ADGRB3: variants seen among roughly 807,000 people sequenced by gnomAD.
ADGRB3 encodes the protein adhesion G protein-coupled receptor B3.
A neutral mutation model predicts 193.4 loss-of-function variants in ADGRB3; 37 were observed. That is an observed-to-expected ratio of 0.19 (90% CI 0.15 to 0.25). ADGRB3 has a LOEUF of 0.25. Among genes scored for constraint, ADGRB3 ranks in the 10% least tolerant of loss-of-function variants. The pLI is 1.00. For synonymous variants in ADGRB3, 690 were observed against 644.2 expected (o/e 1.07, Z -1.08); for missense variants, 1,637 against 1,852.9 (o/e 0.88, Z 2.14).
chr6:68,882,416 C>G (rs979847473), intron 3 of ADGRB3, among the ~76,000 whole-genome samples: 1 of 152,176 alleles, frequency 6.6e-6, no homozygotes. Context: ...GAATATAGGA[C>G]TGTTCCTCTA....
chr6:69,131,689 C>T (rs1037568519), intron 17 of ADGRB3, among the ~76,000 whole-genome samples: 1 of 151,838 alleles, frequency 6.6e-6, no homozygotes, highest in African/African-American at 2.4e-5. Flanking sequence ...AGGTTTGTTA[C>T]ATAGGTATAT....
At chr6:69,061,071 G>GAA (rs201050958) in intron 15 of ADGRB3, among the ~76,000 whole-genome samples, 15 of 140,600 alleles carry the variant, frequency 1.1e-4, no homozygotes, top group South Asian at 2.2e-4. Context: ...ATCATTTAAT[G>GAA]AAAAAAAAAA....
chr6:68,768,055 G>C (rs560324111), intron 3 of ADGRB3, among the ~76,000 whole-genome samples: 1 of 152,098 alleles, frequency 6.6e-6, no homozygotes, highest in South Asian at 2.1e-4. Context: ...CAAACAAATG[G>C]AAAAAACATT....
intron 3 of ADGRB3, among the ~76,000 whole-genome samples, chr6:68,698,956 T>A (rs1765199183): frequency 1.3e-5 from 2 of 152,164 alleles, no homozygotes; most frequent in Non-Finnish European, 2.9e-5. Flanking sequence ...TTAATTTTTA[T>A]CTATGATTCC....
At chr6:69,306,717 C>T (rs1382127219) in intron 20 of ADGRB3, among the ~76,000 whole-genome samples, 2 of 151,404 alleles carry the variant, frequency 1.3e-5, no homozygotes, top group East Asian at 1.9e-4. Context: ...GGAAAGTCTG[C>T]CTTTAGTATT....
At position 69,353,882 on chromosome 6, in the gene ADGRB3, G is replaced by A. The variant is rs535709735; in HGVS notation, c.3460-351G>A. ...AGTTCGAGACCAGCCTGACCAACAT[G>A]GAGAAACCCCATCTCTACTAAAAAT... On this transcript the variant is annotated intron_variant, in intron 26 of 31. Coordinates refer to ENST00000370598, the MANE Select transcript of ADGRB3 (RefSeq NM_001704.3). Among the ~76,000 whole-genome samples the A allele has an allele frequency of 8.5e-5, 13 of 152,166 alleles. No individual in the cohort carries two copies. In the South Asian group the frequency reaches 1.5e-3, roughly 17 times the overall value.
chr6:68,692,817 G>A (rs1205583228), intron 3 of ADGRB3, among the ~76,000 whole-genome samples: 1 of 150,952 alleles, frequency 6.6e-6, no homozygotes, highest in African/African-American at 2.4e-5. Context: ...AGGATCAAAT[G>A]GACATATAGA....
intron 3 of ADGRB3, among the ~76,000 whole-genome samples, chr6:68,806,674 G>A (rs9346245): frequency 2.7e-5 from 4 of 150,662 alleles, no homozygotes; most frequent in African/African-American, 9.8e-5. Context: ...TAATGTGACC[G>A]TATAACACAT....
At chr6:69,144,908 T>TTTCTTTCG in intron 17 of ADGRB3, among the ~76,000 whole-genome samples, 2 of 151,952 alleles carry the variant, frequency 1.3e-5, no homozygotes, top group Middle Eastern at 6.8e-3. Flanking sequence ...TCTTTCTTTC[T>TTTCTTTCG]TTCTTTCTTT....
In ADGRB3 at chr6:69,233,373, G is replaced by A; in HGVS notation, c.2564G>A (p.Arg855His). 1 of 1,614,006 alleles carries A rather than the reference G, an allele frequency of 6.2e-7. No individual in the cohort carries two copies. The highest frequency in any genetic ancestry group is 8.5e-7 in the Non-Finnish European group (1 of 1,179,992). Residue 855 changes from arginine (R) to histidine (H), a missense_variant, in exon 18 of 32, where the codon CGT becomes CAT. Transcript: ENST00000370598. ...TCCCATACGAAATGCTTATGTGATCGTCTCTCTACCTTCGCCATTTTGGCT... is the reference window on the plus strand; with the variant it reads ...TCCCATACGAAATGCTTATGTGATCATCTCTCTACCTTCGCCATTTTGGCT... The part of the protein sequence containing the change: ...DASHTKCLCD[R>H]LSTFAILAQQ...
chr6:68,702,108 T>C (rs923356988), intron 3 of ADGRB3, among the ~76,000 whole-genome samples: 1 of 151,936 alleles, frequency 6.6e-6, no homozygotes, highest in African/African-American at 2.4e-5. Context: ...CTACAGGAAG[T>C]ATAGCAACAT....
At chr6:69,241,778 A>T (rs1275002409) in intron 20 of ADGRB3, among the ~76,000 whole-genome samples, 1 of 151,942 alleles carries the variant, frequency 6.6e-6, no homozygotes, top group African/African-American at 2.4e-5. Context: ...TTGCAACCAA[A>T]GTGGTTTTGT....
chr6:69,039,424 G>T (rs2150297418), intron 13 of ADGRB3, among the ~76,000 whole-genome samples: 1 of 152,118 alleles, frequency 6.6e-6, no homozygotes, highest in Admixed American at 6.5e-5. Flanking sequence ...ATAAGGGGAG[G>T]GCTACCGTAT....
chr6:68,735,518 A>G (rs1765854530), intron 3 of ADGRB3, among the ~76,000 whole-genome samples: 1 of 152,060 alleles, frequency 6.6e-6, no homozygotes, highest in South Asian at 2.1e-4. Flanking sequence ...AGTACCAGAA[A>G]GATGATGTTG....
chr6:69,320,271 A>G (rs990291966), intron 20 of ADGRB3, among the ~76,000 whole-genome samples: 2 of 151,410 alleles, frequency 1.3e-5, no homozygotes, highest in Non-Finnish European at 1.5e-5. Context: ...CTTCATGGCT[A>G]TATTTTTAAA....
At chr6:69,221,622 C>A (rs115695426) in intron 17 of ADGRB3, among the ~76,000 whole-genome samples, 1 of 152,112 alleles carries the variant, frequency 6.6e-6, no homozygotes, top group East Asian at 1.9e-4. Context: ...CAAAAGAGGT[C>A]CTTCTTCATA....
chr6:69,332,758 A>C, intron 23 of ADGRB3, 165 bp from the exon 24 acceptor site: 1 of 985,398 alleles, frequency 1.0e-6, no homozygotes, highest in Non-Finnish European at 1.2e-6. Flanking sequence ...ACCACTGTTA[A>C]ATTGTTCCGT....
chr6:69,098,621 C>T (rs995436472), intron 17 of ADGRB3, among the ~76,000 whole-genome samples: 13 of 152,166 alleles, frequency 8.5e-5, no homozygotes, highest in African/African-American at 3.1e-4. Flanking sequence ...ATCATGAGAA[C>T]TGCAAGGGAG....
intron 28 of ADGRB3, among the ~76,000 whole-genome samples, chr6:69,359,888 T>C (rs1193190329): frequency 3.3e-5 from 5 of 151,976 alleles, no homozygotes; most frequent in African/African-American, 1.2e-4. Flanking sequence ...TATTCATTTG[T>C]ATCCTCAAAA....
Sources: gnomAD v4.1 joint callset for allele counts (sites outside exome capture counted in the v4.1 genomes callset) on GRCh38, gnomAD v4.1.1 for gene constraint, MANE v1.5 for transcripts, NCBI Gene and HGNC (gene_info 2026-07-23, HGNC 2026-07-21) for gene names.